BRAT1: variants seen among roughly 807,000 people sequenced by gnomAD.
The protein encoded by BRAT1 is BRCA1 associated ATM activator 1, also known as integrator complex assembly factor BRAT1.
A neutral mutation model predicts 70.6 loss-of-function variants in BRAT1; 74 were observed. The observed-to-expected ratio is 1.05, with a 90% CI of 0.87 to 1.27. The LOEUF (loss-of-function observed/expected upper bound fraction) is 1.27. BRAT1 is among the 50% of genes most tolerant of loss of function. The pLI is 0.00. For synonymous variants in BRAT1, 615 were observed against 517.1 expected (o/e 1.19, Z -2.57); for missense variants, 1,203 against 1,098.2 (o/e 1.10, Z -1.35).
At position 2,552,106 on chromosome 7, in the gene BRAT1, ATTTTTTTTTT is replaced by A. The variant is rs1174942520; in HGVS notation, c.127+2189_127+2198del. 3.5e-4 allele frequency among the ~76,000 whole-genome samples: 5 copies of A among 14,216 alleles called. No homozygotes were observed. The South Asian group carries it at 0.01, about 29-fold the overall frequency. The allele number at this position is 14,216 out of a possible 152,430, so 9.3% of individuals were successfully genotyped here. On this transcript the variant is annotated intron_variant, in intron 2 of 13. Transcript: ENST00000340611. ...AATATATATATATATATATATATATATTTTTTTTTTTTTTTTTTTTTTTTTTTTGAGACAA... is the reference window on the plus strand; with the variant it reads ...AATATATATATATATATATATATATATTTTTTTTTTTTTTTTTTGAGACAA...
intron 2 of BRAT1, among the ~76,000 whole-genome samples, chr7:2,553,313 G>A (rs892301997): frequency 6.6e-6 from 1 of 152,200 alleles, no homozygotes; most frequent in Non-Finnish European, 1.5e-5. Flanking sequence ...TTACAAGCAT[G>A]AGTCACCGCG....
intron 2 of BRAT1, among the ~76,000 whole-genome samples, chr7:2,551,178 T>C (rs563306535): frequency 6.6e-6 from 1 of 150,704 alleles, no homozygotes; most frequent in East Asian, 1.9e-4. Flanking sequence ...GAGGCGGAGG[T>C]TGCAGTGAGC....
intron 11 of BRAT1, 38 bp from the exon 12 acceptor site, chr7:2,539,680 C>T: frequency 1.3e-6 from 2 of 1,558,746 alleles, no homozygotes; most frequent in Admixed American, 1.9e-5. Flanking sequence ...GACCTTGGGG[C>T]CAGGCTCACC....
chr7:2,539,376 A>C (rs1401306508), intron 12 of BRAT1, 25 bp from the exon 13 acceptor site: 6 of 1,587,192 alleles, frequency 3.8e-6, no homozygotes, highest in South Asian at 3.3e-5. Context: ...GGCCACATGC[A>C]GCTGTGACTG....
chr7:2,548,045 T>C (rs1181338742), intron 2 of BRAT1, among the ~76,000 whole-genome samples: 1 of 150,138 alleles, frequency 6.7e-6, no homozygotes, highest in Non-Finnish European at 1.5e-5. Flanking sequence ...GACCACGTCA[T>C]TGCACACGGC....
rs4721763 is a variant in BRAT1 at position 2,538,800 on chromosome 7, G to T, written c.1771-36C>A. 575,365 of 1,594,534 alleles carry T rather than the reference G, an allele frequency of 0.36. 108,719 individuals are homozygous for T. The highest frequency in any genetic ancestry group is 0.67 in the African/African-American group (49,786 of 74,862). On this transcript the variant is annotated intron_variant, in intron 13 of 13. Transcript: ENST00000340611. Reference sequence around the variant, plus strand: ...GGGAGCAAGTGCGGATGGTTGGTGGGGTGGCAGGAGCGAGGCTCCCGCAAC... The same window carrying T: ...GGGAGCAAGTGCGGATGGTTGGTGGTGTGGCAGGAGCGAGGCTCCCGCAAC...
In BRAT1 at chr7:2,537,820, GATC is replaced by G. The variant is rs1484395985; in HGVS notation, c.*246_*248del. ...TGAATGACACTGGACCCTTGTCTCA[GATC>G]ATTATTATTAAATTAACTCAAAAAG... On this transcript the variant is annotated 3_prime_UTR_variant, in exon 14 of 14. Coordinates refer to ENST00000340611, the MANE Select transcript of BRAT1 (RefSeq NM_152743.4). The G allele has an allele frequency of 6.3e-5, 33 of 525,568 alleles. No homozygotes were observed. Among genetic ancestry groups the G allele is most frequent in the Non-Finnish European group, 9.2e-5 (30 of 327,796 alleles). The allele number at this position is 525,568 out of a possible 1,614,324, so 32.6% of individuals were successfully genotyped here.
chr7:2,538,243 TG>T lies in BRAT1; in HGVS notation c.2291del (p.Pro764GlnfsTer16). ...RWRAGEQAQP[P>X]GDQEPEAVLA... ...GCACAGCCTCAGGCTCCTGGTCCCC[TG>T]GGGGCTGGGCCTGCTCACCCGCCCG... On this transcript the variant is annotated frameshift_variant, in exon 14 of 14. Transcript: ENST00000340611. LOFTEE classifies it high-confidence loss of function. 1 of 1,610,044 alleles carries T rather than the reference TG, an allele frequency of 6.2e-7. No individual in the cohort carries two copies. Among genetic ancestry groups the T allele is most frequent in the South Asian group, 1.1e-5 (1 of 90,994 alleles).
intron 12 of BRAT1, 69 bp from the exon 13 acceptor site, chr7:2,539,420 C>T (rs1778968260): frequency 6.5e-7 from 1 of 1,538,492 alleles, no homozygotes; most frequent in Non-Finnish European, 8.8e-7. Flanking sequence ...CCTCTGCCTC[C>T]ATCCCCTTGT....
Position 2,538,214 on chromosome 7 carries a change from G to A in BRAT1, c.2321C>T (p.Ala774Val), listed in dbSNP as rs372230882. ...PGDQEPEAVL[A>V]MLRSLDLEGL... is the part of the protein sequence containing the mutation. ...CTCCAGGTCTAGGGACCTGAGCATG[G>A]CCAGCACAGCCTCAGGCTCCTGGTC... The change falls in exon 14 of 14, where the codon GCC becomes GTC. Residue 774 changes from alanine (A) to valine (V), a missense_variant. By Grantham distance (64) the Ala-to-Val change is moderately conservative (BLOSUM62 0). Transcript: ENST00000340611. The A allele has an allele frequency of 7.6e-5, 122 of 1,609,640 alleles. No individual in the cohort carries two copies. Among genetic ancestry groups the A allele is most frequent in the Non-Finnish European group, 9.6e-5 (113 of 1,178,446 alleles).
chr7:2,553,920 T>G (rs1366222203), intron 2 of BRAT1, among the ~76,000 whole-genome samples: 1 of 152,092 alleles, frequency 6.6e-6, no homozygotes, highest in African/African-American at 2.4e-5. Flanking sequence ...GTGCTGGGAT[T>G]ACAGGTATGA....
At chr7:2,549,334 G>C (rs1278027852) in intron 2 of BRAT1, among the ~76,000 whole-genome samples, 1 of 151,002 alleles carries the variant, frequency 6.6e-6, no homozygotes, top group Admixed American at 6.6e-5. Context: ...AAAATTCGCT[G>C]GGCATGGTGG....
At chr7:2,551,903 A>G (rs1442125400) in intron 2 of BRAT1, among the ~76,000 whole-genome samples, 1 of 150,448 alleles carries the variant, frequency 6.6e-6, no homozygotes, top group Non-Finnish European at 1.5e-5. Context: ...AATAATAAAA[A>G]GACTGGAAAA....
chr7:2,543,492 C>A lies in BRAT1; in HGVS notation c.803+98G>T. 1 of 1,484,930 alleles carries A rather than the reference C, an allele frequency of 6.7e-7. No homozygotes were observed. Among genetic ancestry groups the A allele is most frequent in the Non-Finnish European group, 8.9e-7 (1 of 1,120,982 alleles). 92.0% of individuals were successfully genotyped at this position (1,484,930 alleles called of 1,614,324 possible). ...GTGCCGCTTCACTGCAGGCCATGTC[C>A]TCAGAGAGTCTCCGGCTGCCAGTGG... On this transcript the variant is annotated intron_variant, in intron 5 of 13. Coordinates refer to ENST00000340611, the MANE Select transcript of BRAT1 (RefSeq NM_152743.4). The surrounding 1 kb of genome is among the most constrained non-coding windows in gnomAD (Gnocchi z 5.5).
rs888197625 is a variant in BRAT1 at position 2,543,620 on chromosome 7, G to A, written c.773C>T (p.Ser258Leu). 6 of 1,529,414 alleles carry A rather than the reference G, an allele frequency of 3.9e-6. No individual in the cohort carries two copies. The highest frequency in any genetic ancestry group is 1.8e-4 in the Middle Eastern group (1 of 5,646). 94.7% of individuals were successfully genotyped at this position (1,529,414 alleles called of 1,614,324 possible). The change falls in exon 5 of 14, where the codon TCG (serine) becomes TTG (leucine). Residue 258 changes from serine to leucine, a missense_variant. Transcript: ENST00000340611. This position sits in a 1 kb window ranked among gnomAD's most constrained non-coding sequence, Gnocchi z 5.5. Reference protein sequence around the residue: ...LERDPIPAAHSFVDLLLCVAR... With the variant: ...LERDPIPAAHLFVDLLLCVAR... ...CACACAGAGAAGCAGGTCCACGAAC[G>A]AGTGTGCGGCGGGGATGGGGTCTCT...
At position 2,541,755 on chromosome 7, in the gene BRAT1, C is replaced by T. The variant is rs1779185223; in HGVS notation, c.1097G>A (p.Cys366Tyr). 1 of 1,611,698 alleles carries T rather than the reference C, an allele frequency of 6.2e-7. No individual in the cohort carries two copies. Among genetic ancestry groups the T allele is most frequent in the Non-Finnish European group, 8.5e-7 (1 of 1,179,632 alleles). The stretch of plus-strand genomic sequence containing the variant: ...CTCCTCCAGGTGAGCCAGGGTGCGG[C>T]ACAGGAGGCCGGCGCAGGACGACTT... The part of the protein sequence containing the change: ...ASKSSCAGLL[C>Y]RTLAHLEELQ... Residue 366 changes from cysteine to tyrosine, a missense_variant, in exon 8 of 14, where the codon TGC becomes TAC. Physicochemically the swap from Cys to Tyr is radical, Grantham distance 194. Transcript: ENST00000340611.
In BRAT1 at chr7:2,538,336, G is replaced by T. The variant is rs139111440; in HGVS notation, c.2199C>A (p.Tyr733Ter). Residue 733 changes from tyrosine to a stop codon, truncating the protein, a stop_gained, in exon 14 of 14, where the codon TAC becomes TAA. Coordinates refer to ENST00000340611, the MANE Select transcript of BRAT1 (RefSeq NM_152743.4). LOFTEE classifies it low-confidence loss of function (END_TRUNC). ...TGCCCCTGGCCTCCCGCAGGCTGCT[G>T]TAGGAAGCAATCTTGTCCCTCAGGA... ...LLFLRDKIAS[Y>*]SSLREARGSP... is the part of the protein sequence containing the mutation. 5.0e-6 allele frequency: 8 copies of T among 1,613,068 alleles called. No homozygotes were observed. The highest frequency in any genetic ancestry group is 6.8e-6 in the Non-Finnish European group (8 of 1,179,930).
chr7:2,543,253 G>C lies in BRAT1; in HGVS notation c.874C>G (p.Pro292Ala). ...AAAGCCAGGGGTCCCATGTGGGTGGGACCCAGGCAGCTCAGAGCCCGCGCC... is the reference window on the plus strand; with the variant it reads ...AAAGCCAGGGGTCCCATGTGGGTGGCACCCAGGCAGCTCAGAGCCCGCGCC... ...TVARALSCLGPTHMGPLALGI... is the reference protein window; with the variant it reads ...TVARALSCLGATHMGPLALGI... The change falls in exon 6 of 14, where the codon CCC becomes GCC. Residue 292 changes from proline to alanine, a missense_variant. Coordinates refer to ENST00000340611, the MANE Select transcript of BRAT1 (RefSeq NM_152743.4). This position sits in a 1 kb window ranked among gnomAD's most constrained non-coding sequence, Gnocchi z 5.5. The C allele has an allele frequency of 2.5e-6, 4 of 1,611,522 alleles. No individual in the cohort carries two copies. Among genetic ancestry groups the C allele is most frequent in the Non-Finnish European group, 3.4e-6 (4 of 1,178,956 alleles).
rs771313289 is a variant in BRAT1, at chr7:2,538,211, A to G, written c.2324T>C (p.Met775Thr). 8.1e-6 allele frequency: 13 copies of G among 1,610,006 alleles called. No individual in the cohort carries two copies. The highest frequency in any genetic ancestry group is 2.2e-5 in the East Asian group (1 of 44,782). ...GDQEPEAVLA[M>T]LRSLDLEGLR... The stretch of plus-strand genomic sequence containing the variant: ...GCCCTCCAGGTCTAGGGACCTGAGC[A>G]TGGCCAGCACAGCCTCAGGCTCCTG... The change falls in exon 14 of 14, where the codon ATG becomes ACG. Residue 775 changes from methionine (M) to threonine (T), a missense_variant. Physicochemically the swap from Met to Thr is moderately conservative, Grantham distance 81 (BLOSUM62 -1). Transcript: ENST00000340611.
Sources: gnomAD v4.1 joint callset for allele counts (sites outside exome capture counted in the v4.1 genomes callset) on GRCh38, gnomAD v4.1.1 for gene constraint, Gnocchi (gnomAD v3.1) non-coding constraint, MANE v1.5 for transcripts, NCBI Gene and HGNC (gene_info 2026-07-23, HGNC 2026-07-21) for gene names.